Variants in CTDP1 observed in about 807,000 individuals in gnomAD.
CTDP1 encodes the protein RNA polymerase II subunit A C-terminal domain phosphatase.
In CTDP1, 47 loss-of-function variants were observed where a neutral mutation model predicts 91.8. That is an observed-to-expected ratio of 0.51 (90% CI 0.41 to 0.65). CTDP1 has a LOEUF of 0.65. Among genes scored for constraint, CTDP1 ranks in the 30% least tolerant of loss-of-function variants. The pLI is 0.00. For synonymous variants in CTDP1, 656 were observed against 598.5 expected (o/e 1.10, Z -1.40); for missense variants, 1,272 against 1,373.7 (o/e 0.93, Z 1.17).
intron 5 of CTDP1, among the ~76,000 whole-genome samples, chr18:79,707,969 A>G (rs556339195): frequency 3.3e-4 from 51 of 152,388 alleles, no homozygotes; most frequent in African/African-American, 1.1e-3. Context: ...TAATAATTCT[A>G]TTAACAGACT....
intron 5 of CTDP1, among the ~76,000 whole-genome samples, chr18:79,708,867 A>C (rs2086022258): frequency 1.3e-5 from 2 of 152,248 alleles, no homozygotes; most frequent in Non-Finnish European, 2.9e-5. Flanking sequence ...GGAGAGTAAT[A>C]ATTATGTTGT....
At chr18:79,729,374 C>T (rs938365667) in intron 11 of CTDP1, among the ~76,000 whole-genome samples, 31 of 152,322 alleles carry the variant, frequency 2.0e-4, no homozygotes, top group Admixed American at 1.7e-3. Flanking sequence ...CCGGCTCTCC[C>T]GGCTCACCCC....
intron 5 of CTDP1, among the ~76,000 whole-genome samples, chr18:79,706,228 A>G (rs958760470): frequency 6.6e-6 from 1 of 152,238 alleles, no homozygotes; most frequent in African/African-American, 2.4e-5. Flanking sequence ...GCCGGCCTCC[A>G]GAACTGTGAG....
chr18:79,701,296 G>A (rs533190028), intron 4 of CTDP1, among the ~76,000 whole-genome samples: 58 of 152,170 alleles, frequency 3.8e-4, no homozygotes, highest in Non-Finnish European at 6.8e-4. Context: ...GGATCACGAG[G>A]TCAGGAGATC....
Position 79,736,423 on chromosome 18 carries a change from G to A in CTDP1, c.2649G>A (p.Glu883=), listed in dbSNP as rs2086667654. The change falls in exon 12 of 13, where the codon GAG becomes GAA. Residue 883 remains glutamate (E), a synonymous_variant. Coordinates refer to ENST00000613122, the MANE Select transcript of CTDP1 (RefSeq NM_004715.5). ...DSEKRRPEEQ[E]EEPQPRKPGT... is the part of the protein sequence containing the mutation. ...AGAAGAGGAGGCCTGAGGAGCAGGA[G>A]GAGGAGCCCCAGCCCCGGAAGCCAG... 6.5e-7 allele frequency: 1 copy of A among 1,549,478 alleles called. No individual in the cohort carries two copies. Among genetic ancestry groups the A allele is most frequent in the Non-Finnish European group, 8.7e-7 (1 of 1,146,982 alleles).
At chr18:79,701,394 C>T (rs562962815) in intron 4 of CTDP1, among the ~76,000 whole-genome samples, 23 of 151,966 alleles carry the variant, frequency 1.5e-4, no homozygotes, top group African/African-American at 5.1e-4. Context: ...CCTGTAGTCC[C>T]AGCTACTCGG....
chr18:79,695,933 C>A, intron 2 of CTDP1, 44 bp from the exon 3 acceptor site: 1 of 1,512,526 alleles, frequency 6.6e-7, no homozygotes, highest in Non-Finnish European at 9.2e-7. Flanking sequence ...CATCTGTGCG[C>A]AGAGACTCAG....
At chr18:79,680,639 A>C (rs1314730035) in intron 1 of CTDP1, among the ~76,000 whole-genome samples, 1 of 152,226 alleles carries the variant, frequency 6.6e-6, no homozygotes, top group East Asian at 1.9e-4. Flanking sequence ...CCTGTTATTG[A>C]AATATAAACT....
Position 79,714,732 on chromosome 18 carries a change from GC to G in CTDP1, c.1276del (p.Gln426ArgfsTer214). On this transcript the variant is annotated frameshift_variant, in exon 8 of 13. Transcript: ENST00000613122. LOFTEE classifies it high-confidence loss of function. ...GCCAAGAGCTGGCAGGCGCTCCTGAGCCCCAGGGATCCTGTGCGCAGGGTGG... is the reference window on the plus strand; with the variant it reads ...GCCAAGAGCTGGCAGGCGCTCCTGAGCCCAGGGATCCTGTGCGCAGGGTGG... ...SSQELAGAPE[P>X]QGSCAQGGRV... 6.2e-7 allele frequency: 1 copy of G among 1,602,688 alleles called. No individual in the cohort carries two copies. Among genetic ancestry groups the G allele is most frequent in the Non-Finnish European group, 8.5e-7 (1 of 1,175,414 alleles).
chr18:79,738,793 T>C (rs1354749683), intron 12 of CTDP1, among the ~76,000 whole-genome samples: 1 of 152,248 alleles, frequency 6.6e-6, no homozygotes, highest in Non-Finnish European at 1.5e-5. Flanking sequence ...TGAGTGCAGC[T>C]TCTCTCCTGG....
chr18:79,712,557 C>A (rs923908095), intron 6 of CTDP1, among the ~76,000 whole-genome samples: 1 of 152,228 alleles, frequency 6.6e-6, no homozygotes, highest in Admixed American at 6.5e-5. Flanking sequence ...GCTGGAATTG[C>A]AGGCATTAGC....
At chr18:79,741,871 T>C (rs1258957646) in intron 12 of CTDP1, among the ~76,000 whole-genome samples, 3 of 152,190 alleles carry the variant, frequency 2.0e-5, no homozygotes, top group South Asian at 2.1e-4. Flanking sequence ...AGATAATCTT[T>C]AGGAGAGAGA....
upstream of CTDP1, chr18:79,677,310 C>T (rs1264986754): frequency 6.6e-6 from 1 of 152,204 alleles, no homozygotes; most frequent in African/African-American, 2.4e-5. Flanking sequence ...TTTAATTGAG[C>T]AAAGAATGAT....
intron 5 of CTDP1, among the ~76,000 whole-genome samples, chr18:79,709,851 T>C (rs1346319451): frequency 6.6e-6 from 1 of 152,264 alleles, no homozygotes; most frequent in Non-Finnish European, 1.5e-5. Context: ...AGAAGCAAAC[T>C]TCCTTGATAA....
At chr18:79,693,349 G>A (rs563524252) in intron 1 of CTDP1, among the ~76,000 whole-genome samples, 2 of 152,204 alleles carry the variant, frequency 1.3e-5, no homozygotes, top group African/African-American at 4.8e-5. Context: ...TCATTGTAAA[G>A]TATTTTGATA....
Position 79,710,438 on chromosome 18 carries a change from T to G in CTDP1, c.863+2T>G, listed in dbSNP as rs752412613. ...ATTTTCTAAAACGGGAAACCTTAGGTATGTACCCAGCCGCGCTCCTCACAA... is the reference window on the plus strand; with the variant it reads ...ATTTTCTAAAACGGGAAACCTTAGGGATGTACCCAGCCGCGCTCCTCACAA... On this transcript the variant is annotated splice_donor_variant, in intron 6 of 12. Transcript: ENST00000613122. LOFTEE classifies it high-confidence loss of function. 1 of 1,608,456 alleles carries G rather than the reference T, an allele frequency of 6.2e-7. No homozygotes were observed. The highest frequency in any genetic ancestry group is 8.5e-7 in the Non-Finnish European group (1 of 1,174,878).
At chr18:79,701,240 G>C (rs2085849546) in intron 4 of CTDP1, among the ~76,000 whole-genome samples, 1 of 152,098 alleles carries the variant, frequency 6.6e-6, no homozygotes. Flanking sequence ...GCCAGGCGCG[G>C]TGGCTCACAC....
At chr18:79,712,838 G>T in intron 6 of CTDP1, 134 bp from the exon 7 acceptor site, 1 of 878,134 alleles carries the variant, frequency 1.1e-6, no homozygotes, top group East Asian at 2.6e-5. Flanking sequence ...CTTCGGGGCG[G>T]TTGGTGTCCG....
chr18:79,717,744 C>T, intron 9 of CTDP1, 66 bp from the exon 10 acceptor site: 1 of 1,613,752 alleles, frequency 6.2e-7, no homozygotes, highest in Non-Finnish European at 8.5e-7. Flanking sequence ...TTGGTTCATG[C>T]ACCTGGGCAG....
Sources: gnomAD v4.1 joint callset for allele counts (sites outside exome capture counted in the v4.1 genomes callset) on GRCh38, gnomAD v4.1.1 for gene constraint, MANE v1.5 for transcripts, NCBI Gene and HGNC (gene_info 2026-07-23, HGNC 2026-07-21) for gene names.